The following COL6A2 variants were observed in gnomAD, a reference collection of about 807,000 sequenced individuals.
COL6A2 encodes collagen type VI alpha 2 chain.
Under a neutral mutation model 124.9 loss-of-function variants are expected in COL6A2, and 90 were observed. That is an observed-to-expected ratio of 0.72 (90% CI 0.61 to 0.86). The LOEUF is 0.86. COL6A2 is among the 40% of genes least tolerant of loss of function. COL6A2 has a pLI of 0.00. For missense variants in COL6A2, 1,607 were observed against 1,502.5 expected (o/e 1.07, Z -1.15); for synonymous variants, 793 against 618.2 (o/e 1.28, Z -4.19).
chr21:46,111,879 G>T, intron 2 of COL6A2, 100 bp from the exon 3 acceptor site: 1 of 1,276,560 alleles, frequency 7.8e-7, no homozygotes, highest in South Asian at 1.2e-5. Context: ...GCATTCGGGG[G>T]CAGTGAGGTC....
chr21:46,099,893 T>G lies in COL6A2; in HGVS notation c.-28+1720T>G, dbSNP rs924178809. Reference sequence around the variant, plus strand: ...CACAATGGATAGCAGCACTGTCTTTTTTTTTTTTTTTTTTTTTTTCTCATT... The same window carrying G: ...CACAATGGATAGCAGCACTGTCTTTGTTTTTTTTTTTTTTTTTTTCTCATT... On this transcript the variant is annotated intron_variant, in intron 1 of 27. Transcript: ENST00000300527. 5.7e-5 allele frequency among the ~76,000 whole-genome samples: 7 copies of G among 122,218 alleles called. No individual in the cohort carries two copies. In the South Asian group the frequency reaches 9.2e-4, roughly 16 times the overall value. The allele number at this position is 122,218 out of a possible 152,430, so 80.2% of individuals were successfully genotyped here. A position where few individuals can be genotyped will look rare whatever the true frequency, so the allele number is the denominator to read the frequency against.
chr21:46,125,734 T>C (rs1200451015), intron 25 of COL6A2, 51 bp from the exon 26 acceptor site: 1 of 1,601,834 alleles, frequency 6.2e-7, no homozygotes, highest in Non-Finnish European at 8.5e-7. Flanking sequence ...TGGCTGGGGA[T>C]GCCCCAGACC....
intron 17 of COL6A2, 113 bp downstream of exon 17, chr21:46,121,236 G>A (rs1379504355): frequency 3.7e-6 from 4 of 1,075,844 alleles, no homozygotes; most frequent in Admixed American, 1.9e-5. Flanking sequence ...CCAGGCAGCA[G>A]AGCCTGGCCT....
intron 27 of COL6A2, among the ~76,000 whole-genome samples, chr21:46,131,512 T>TA (rs2078759523): frequency 6.6e-6 from 1 of 152,218 alleles, no homozygotes; most frequent in Non-Finnish European, 1.5e-5. Flanking sequence ...TGAGCAGCTC[T>TA]GGGACCCAGC....
At position 46,116,271 on chromosome 21, in the gene COL6A2, T is replaced by TG. The variant is rs2123626794; in HGVS notation, c.901-105dup. Reference sequence around the variant, plus strand: ...CAGACTGTTTGTCGAGAACACTAGATGCCAGCGGCCCACCGAGCACTCCCC... The same window carrying TG: ...CAGACTGTTTGTCGAGAACACTAGATGGCCAGCGGCCCACCGAGCACTCCCC... On this transcript the variant is annotated intron_variant, in intron 7 of 27. Transcript: ENST00000300527. This position sits in a 1 kb window ranked among gnomAD's most constrained non-coding sequence, Gnocchi z 4.6. 7.4e-7 allele frequency: 1 copy of TG among 1,350,442 alleles called. No homozygotes were observed. Among genetic ancestry groups the TG allele is most frequent in the Admixed American group, 1.8e-5 (1 of 54,458 alleles). 83.7% of individuals were successfully genotyped at this position (1,350,442 alleles called of 1,614,324 possible).
chr21:46,126,410 A>AC (rs919894245), intron 26 of COL6A2, 93 bp from the exon 27 acceptor site: 1 of 1,569,600 alleles, frequency 6.4e-7, no homozygotes, highest in Non-Finnish European at 8.8e-7. Flanking sequence ...GGCCAGCTGC[A>AC]CCCTGAGCCT....
At chr21:46,113,737 T>C (rs2078435174) in intron 4 of COL6A2, 1 of 543,448 alleles carries the variant, frequency 1.8e-6, no homozygotes, top group African/African-American at 1.9e-5. Context: ...TTCCCTTCTA[T>C]TTTCTGTCAT....
intron 27 of COL6A2, 50 bp from the exon 28 acceptor site, chr21:46,131,904 G>C (rs374726502): frequency 4.6e-6 from 7 of 1,515,250 alleles, no homozygotes; most frequent in Admixed American, 1.9e-5. Context: ...GCACCTGCCC[G>C]GTCCTGCCCA....
intron 5 of COL6A2, among the ~76,000 whole-genome samples, chr21:46,114,927 T>TGCTACGTA (rs1277964126): frequency 5.9e-5 from 9 of 152,272 alleles, no homozygotes; most frequent in Admixed American, 2.6e-4. Flanking sequence ...AGGATGTTAC[T>TGCTACGTA]GCTACGTAGC....
chr21:46,126,358 T>G, intron 26 of COL6A2, 121 bp downstream of exon 26: 1 of 1,502,296 alleles, frequency 6.7e-7, no homozygotes, highest in Non-Finnish European at 9.2e-7. Context: ...TCTTGGGCTG[T>G]GGGTGGGAAG....
intron 27 of COL6A2, chr21:46,128,807 T>C: frequency 9.8e-7 from 1 of 1,018,808 alleles, no homozygotes; most frequent in East Asian, 2.4e-5. Flanking sequence ...ACCGCAAGCT[T>C]TCTCAGGCGG....
At position 46,111,518 on chromosome 21, in the gene COL6A2, C is replaced by T. The variant is rs199759601; in HGVS notation, c.42C>T (p.Ile14=). 10 of 1,613,046 alleles carry T rather than the reference C, an allele frequency of 6.2e-6. No individual in the cohort carries two copies. In the East Asian group the frequency reaches 6.7e-5, roughly 11 times the overall value. ...GCTCCGTGCTCCTGCTCTGGGGAAT[C>T]CTGGGGGCCATCCAGGCCCAGCAGC... is the stretch of plus-strand genomic sequence containing the variant. ...GTCSVLLLWG[I]LGAIQAQQQE... is the part of the protein sequence containing the mutation. The change falls in exon 2 of 28, where the codon ATC becomes ATT. Residue 14 remains isoleucine, a synonymous_variant. Coordinates refer to ENST00000300527, the MANE Select transcript of COL6A2 (RefSeq NM_001849.4).
chr21:46,132,623 C>T lies in COL6A2; in HGVS notation c.*71C>T, dbSNP rs2078778262. 2 of 1,410,754 alleles carry T rather than the reference C, an allele frequency of 1.4e-6. No individual in the cohort carries two copies. Among genetic ancestry groups the T allele is most frequent in the Non-Finnish European group, 1.9e-6 (2 of 1,031,586 alleles). 87.4% of individuals were successfully genotyped at this position (1,410,754 alleles called of 1,614,324 possible). ...TCCATGGTGCTAAGCGGGCCCGGGT[C>T]CCACACGGCCAGCACCGCTGCTCAC... is the stretch of plus-strand genomic sequence containing the variant. On this transcript the variant is annotated 3_prime_UTR_variant, in exon 28 of 28. Coordinates refer to ENST00000300527, the MANE Select transcript of COL6A2 (RefSeq NM_001849.4).
Position 46,124,537 on chromosome 21 carries a change from GCCCC to G in COL6A2, c.1672-106_1672-103del, listed in dbSNP as rs36033678. On this transcript the variant is annotated intron_variant, in intron 21 of 27. Transcript: ENST00000300527. ...CTTGTCTTACTCCTTGCACCTGTTA[GCCCC>G]CCCCCCCGCCAAGGGAGGACCCGTG... 5.5e-4 allele frequency: 460 copies of G among 838,516 alleles called. 5 individuals carry two copies. The African/African-American group carries it at 7.1e-3, about 13-fold the overall frequency. The allele number at this position is 838,516 out of a possible 1,614,324, so 51.9% of individuals were successfully genotyped here.
At position 46,112,486 on chromosome 21, in the gene COL6A2, C is replaced by A; in HGVS notation, c.623C>A (p.Pro208Gln). 6.2e-7 allele frequency: 1 copy of A among 1,611,420 alleles called. No homozygotes were observed. Among genetic ancestry groups the A allele is most frequent in the Non-Finnish European group, 8.5e-7 (1 of 1,179,788 alleles). Residue 208 changes from proline (P) to glutamine (Q), a missense_variant, in exon 3 of 28, where the codon CCG becomes CAG. Pro to Gln is a moderately conservative substitution (Grantham distance 76). Coordinates refer to ENST00000300527, the MANE Select transcript of COL6A2 (RefSeq NM_001849.4). ...GGCCTGCGGGACATCGCCAGCACGC[C>A]GCACGAGCTCTACCGCAACGACTAC... The part of the protein sequence containing the change: ...EQGLRDIAST[P>Q]HELYRNDYAT...
intron 27 of COL6A2, chr21:46,128,759 A>G: frequency 1.3e-6 from 1 of 770,334 alleles, no homozygotes; most frequent in East Asian, 2.5e-5. Context: ...CTGGGTGTAG[A>G]GGACTCACAT....
At position 46,126,689 on chromosome 21, in the gene COL6A2, C is replaced by T. The variant is rs1293773169; in HGVS notation, c.2461+148C>T. 5.2e-6 allele frequency: 5 copies of T among 961,780 alleles called. No homozygotes were observed. In the African/African-American group the frequency reaches 8.1e-5, roughly 16 times the overall value. The allele number at this position is 961,780 out of a possible 1,614,324, so 59.6% of individuals were successfully genotyped here. On this transcript the variant is annotated intron_variant, in intron 27 of 27. Coordinates refer to ENST00000300527, the MANE Select transcript of COL6A2 (RefSeq NM_001849.4). ...GGAGGCTGCTCCTTAGGGAGATGGC[C>T]CCAGGATGGCAGCACAGGGGAGGAG...
intron 1 of COL6A2, among the ~76,000 whole-genome samples, chr21:46,099,950 G>A (rs1044108996): frequency 1.5e-5 from 2 of 137,530 alleles, no homozygotes; most frequent in African/African-American, 2.7e-5. Context: ...TTGTTGGGGG[G>A]TTTGTTCTGC....
Position 46,132,121 on chromosome 21 carries a change from G to A in COL6A2, c.2629G>A (p.Val877Met), listed in dbSNP as rs369396198. The stretch of plus-strand genomic sequence containing the variant: ...GGACGACGACCCTCTCAACGCACGC[G>A]TGGCGCTGCTGCAGTTTGGTGGCCC... The part of the protein sequence containing the change: ...RRDDDPLNAR[V>M]ALLQFGGPGE... The change falls in exon 28 of 28, where the codon GTG (valine) becomes ATG (methionine). Residue 877 changes from valine (V) to methionine (M), a missense_variant. By Grantham distance (21) the Val-to-Met change is conservative (BLOSUM62 1). Around this residue, in one of 3 missense-constraint regions of COL6A2, gnomAD observed 1,223 missense variants for 1,052.2 expected, o/e 1.16. Coordinates refer to ENST00000300527, the MANE Select transcript of COL6A2 (RefSeq NM_001849.4). 203 of 1,581,824 alleles carry A rather than the reference G, an allele frequency of 1.3e-4. No individual in the cohort carries two copies. Among genetic ancestry groups the A allele is most frequent in the Non-Finnish European group, 1.5e-4 (178 of 1,166,656 alleles).
Sources: gnomAD v4.1 joint callset for allele counts (sites outside exome capture counted in the v4.1 genomes callset) on GRCh38, gnomAD v4.1.1 for gene constraint, gnomAD v4.1.1 regional missense constraint, Gnocchi (gnomAD v3.1) non-coding constraint, MANE v1.5 for transcripts, NCBI Gene and HGNC (gene_info 2026-07-23, HGNC 2026-07-21) for gene names.